The following NAV3 variants were observed in gnomAD, a reference collection of about 807,000 sequenced individuals.
The protein encoded by NAV3 is pore membrane and/or filament interacting like protein 1.
In NAV3, 87 loss-of-function variants were observed where a neutral mutation model predicts 244.7. The ratio of observed to expected loss-of-function variants is 0.36; its 90% CI spans 0.30 to 0.42. The LOEUF (loss-of-function observed/expected upper bound fraction) is 0.42. Among genes scored for constraint, NAV3 ranks in the 20% least tolerant of loss-of-function variants. NAV3 has a pLI of 1.00. For missense variants in NAV3, 2,663 were observed against 2,893.3 expected, an observed-to-expected ratio of 0.92 and a Z score of 1.83; for synonymous variants, 1,126 against 1,042.2, an observed-to-expected ratio of 1.08 and a Z score of -1.55.
rs1882678405 is a variant in NAV3 at position 78,051,034 on chromosome 12, G to A, written c.2403G>A (p.Met801Ile). ...SRLGNMSQID[M>I]SEKASSDLDM... ...TGGGAAACATGTCACAGATTGACAT[G>A]AGTGAGAAAGCAAGCAGTGACCTGG... is the stretch of plus-strand genomic sequence containing the variant. The change falls in exon 11 of 40, where the codon ATG becomes ATA. Residue 801 changes from methionine to isoleucine, a missense_variant. Coordinates refer to ENST00000397909, the MANE Select transcript of NAV3 (RefSeq NM_001024383.2). The A allele has an allele frequency of 1.2e-6, 2 of 1,614,024 alleles. No homozygotes were observed. Among genetic ancestry groups the A allele is most frequent in the Non-Finnish European group, 1.7e-6 (2 of 1,180,048 alleles).
At position 78,137,249 on chromosome 12, in the gene NAV3, A is replaced by G. The variant is rs1355735625; in HGVS notation, c.4514A>G (p.Gln1505Arg). 1.2e-6 allele frequency: 2 copies of G among 1,613,776 alleles called. No individual in the cohort carries two copies. Among genetic ancestry groups the G allele is most frequent in the East Asian group, 4.5e-5 (2 of 44,874 alleles). ...ATGCGCTCAAACAGCATCCCAGCCCAAGACTCTTCCTTCGATCTCTATGAT... is the reference window on the plus strand; with the variant it reads ...ATGCGCTCAAACAGCATCCCAGCCCGAGACTCTTCCTTCGATCTCTATGAT... ...SMMRSNSIPAQDSSFDLYDDS... is the reference protein window; with the variant it reads ...SMMRSNSIPARDSSFDLYDDS... Residue 1505 changes from glutamine to arginine, a missense_variant, in exon 19 of 40, where the codon CAA (glutamine) becomes CGA (arginine). Physicochemically the swap from Gln to Arg is conservative, Grantham distance 43. Coordinates refer to ENST00000397909, the MANE Select transcript of NAV3 (RefSeq NM_001024383.2).
At chr12:78,143,519 T>C (rs951500640) in intron 20 of NAV3, 12 of 284,614 alleles carry the variant, frequency 4.2e-5, no homozygotes, top group Non-Finnish European at 7.0e-5. Context: ...TAATCCCAGC[T>C]ATTTGGGAGG....
chr12:77,837,941 C>T (rs888214734), intron 1 of NAV3, among the ~76,000 whole-genome samples: 3 of 152,158 alleles, frequency 2.0e-5, no homozygotes, highest in African/African-American at 7.2e-5. Context: ...CTGGCTCTGG[C>T]CTCCAGCTGT....
At chr12:77,922,606 A>G (rs1232527598) in intron 1 of NAV3, among the ~76,000 whole-genome samples, 2 of 152,096 alleles carry the variant, frequency 1.3e-5, no homozygotes, top group African/African-American at 2.4e-5. Context: ...GATCCCACCT[A>G]TGTCCAGCAT....
At chr12:77,884,289 AGATT>A (rs1347736997) in intron 1 of NAV3, among the ~76,000 whole-genome samples, 1 of 152,134 alleles carries the variant, frequency 6.6e-6, no homozygotes, top group African/African-American at 2.4e-5. Flanking sequence ...ATTGACAGAT[AGATT>A]GATAGATAGA....
chr12:77,606,720 A>G (rs755762398), intron 2 of NAV3, among the ~76,000 whole-genome samples: 2 of 152,146 alleles, frequency 1.3e-5, no homozygotes, highest in Non-Finnish European at 2.9e-5. Flanking sequence ...GACTCCCATC[A>G]TATTTTCTAC....
At chr12:77,915,290 C>CA (rs1887014445) in intron 1 of NAV3, among the ~76,000 whole-genome samples, 1 of 151,964 alleles carries the variant, frequency 6.6e-6, no homozygotes, top group Non-Finnish European at 1.5e-5. Context: ...GAGAATGCAT[C>CA]AGTAGGCATT....
chr12:77,762,411 A>G (rs1381740317), intron 2 of NAV3, among the ~76,000 whole-genome samples: 2 of 152,084 alleles, frequency 1.3e-5, no homozygotes, highest in Admixed American at 6.6e-5. Flanking sequence ...CATGTATCCC[A>G]GAACTTAAAG....
chr12:77,616,358 A>G (rs1412026700), intron 2 of NAV3, among the ~76,000 whole-genome samples: 2 of 151,768 alleles, frequency 1.3e-5, no homozygotes, highest in Non-Finnish European at 2.9e-5. Context: ...GTGAGCCGAG[A>G]TCACACCACT....
chr12:78,144,476 C>A (rs868589791), intron 20 of NAV3, among the ~76,000 whole-genome samples: 1 of 151,924 alleles, frequency 6.6e-6, no homozygotes, highest in African/African-American at 2.4e-5. Flanking sequence ...TATTAATATT[C>A]TGGCTCATTG....
intron 39 of NAV3, among the ~76,000 whole-genome samples, chr12:78,205,698 A>C (rs1960225141): frequency 6.6e-6 from 1 of 152,016 alleles, no homozygotes; most frequent in Non-Finnish European, 1.5e-5. Context: ...CAAAGTATGA[A>C]TATTCTGAAA....
chr12:77,795,570 T>A (rs1022777250), intron 2 of NAV3, among the ~76,000 whole-genome samples: 13 of 152,298 alleles, frequency 8.5e-5, no homozygotes, highest in South Asian at 2.1e-4. Flanking sequence ...TATAACTATA[T>A]GTATGTGCAG....
At chr12:77,725,875 C>T (rs933103535) in intron 2 of NAV3, among the ~76,000 whole-genome samples, 2 of 151,950 alleles carry the variant, frequency 1.3e-5, no homozygotes, top group African/African-American at 2.4e-5. Flanking sequence ...GCCCTAAAGG[C>T]TGCCCTGTCT....
chr12:77,963,515 G>A (rs903468260), intron 3 of NAV3, among the ~76,000 whole-genome samples: 1 of 152,124 alleles, frequency 6.6e-6, no homozygotes, highest in Admixed American at 6.5e-5. Context: ...TGAAAGTCAT[G>A]TTTATTATGC....
intron 23 of NAV3, among the ~76,000 whole-genome samples, chr12:78,160,406 T>TGTGCGTGC (rs1555184844): frequency 7.2e-6 from 1 of 138,820 alleles, no homozygotes; most frequent in Non-Finnish European, 1.6e-5. Context: ...TGTGCGTGCG[T>TGTGCGTGC]GTGTGTGTGT....
At chr12:77,689,963 A>G (rs1018055268) in intron 2 of NAV3, among the ~76,000 whole-genome samples, 1 of 151,866 alleles carries the variant, frequency 6.6e-6, no homozygotes, top group Admixed American at 6.6e-5. Context: ...AAAAATAAAT[A>G]TAATCACAAG....
chr12:77,819,006 C>G (rs1233515698), intron 2 of NAV3, among the ~76,000 whole-genome samples: 1 of 151,772 alleles, frequency 6.6e-6, no homozygotes, highest in Non-Finnish European at 1.5e-5. Context: ...CCATTTTCAG[C>G]AAATCTGATG....
intron 2 of NAV3, among the ~76,000 whole-genome samples, chr12:77,788,222 C>G (rs1016593081): frequency 2.6e-5 from 4 of 152,090 alleles, no homozygotes; most frequent in Non-Finnish European, 5.9e-5. Flanking sequence ...AACATGTATA[C>G]CTAAATTTTT....
At chr12:77,673,322 G>A (rs1473173521) in intron 2 of NAV3, among the ~76,000 whole-genome samples, 1 of 152,062 alleles carries the variant, frequency 6.6e-6, no homozygotes, top group Non-Finnish European at 1.5e-5. Flanking sequence ...TCACATGAAT[G>A]ATTCAACAGA....
Sources: gnomAD v4.1 joint callset for allele counts (sites outside exome capture counted in the v4.1 genomes callset) on GRCh38, gnomAD v4.1.1 for gene constraint, MANE v1.5 for transcripts, NCBI Gene and HGNC (gene_info 2026-07-23, HGNC 2026-07-21) for gene names.